ZNF19: variants seen among roughly 807,000 people sequenced by gnomAD.
The protein encoded by ZNF19 is zinc finger protein 19, also known as zinc finger protein 19 (KOX 12).
Under a neutral mutation model 13.1 loss-of-function variants are expected in ZNF19, and 11 were observed. The ratio of observed to expected loss-of-function variants is 0.84; its 90% confidence interval spans 0.53 to 1.39. The LOEUF (loss-of-function observed/expected upper bound fraction) is 1.39, where lower values mean the gene tolerates loss of function less well. Ranked by LOEUF, ZNF19 falls within the 40% of genes most tolerant of loss-of-function variation. ZNF19 has a pLI of 0.00. For missense variants in ZNF19, 560 were observed against 547.0 expected (o/e 1.02, Z -0.24); for synonymous variants, 186 against 187.0 (o/e 0.99, Z 0.04).
chr16:71,488,368 A>AG (rs1304886613), intron 1 of ZNF19, among the ~76,000 whole-genome samples: 7 of 149,656 alleles, frequency 4.7e-5, no homozygotes, highest in African/African-American at 7.5e-5. Context: ...AAAAAAAAAA[A>AG]AAAAAGAAAA....
intron 1 of ZNF19, among the ~76,000 whole-genome samples, chr16:71,486,178 A>G (rs2043676588): frequency 1.0e-5 from 1 of 97,012 alleles, no homozygotes; most frequent in Non-Finnish European, 2.1e-5. Flanking sequence ...CCCTGTCTCT[A>G]CCGAAAAAAA....
intron 4 of ZNF19, chr16:71,478,639 T>C (rs568808831): frequency 9.3e-6 from 6 of 642,764 alleles, no homozygotes; most frequent in Middle Eastern, 8.4e-4. Context: ...TCTTGGAAGA[T>C]GGAACATACT....
chr16:71,486,183 A>G (rs1597017062), intron 1 of ZNF19, among the ~76,000 whole-genome samples: 2 of 27,374 alleles, frequency 7.3e-5, no homozygotes, highest in Admixed American at 5.3e-4. Flanking sequence ...TCTCTACCGA[A>G]AAAAAAAAAA....
At position 71,475,502 on chromosome 16, in the gene ZNF19, T is replaced by C; in HGVS notation, c.1045A>G (p.Arg349Gly). The C allele has an allele frequency of 6.2e-7, 1 of 1,614,228 alleles. No homozygotes were observed. The highest frequency in any genetic ancestry group is 8.5e-7 in the Non-Finnish European group (1 of 1,180,030). ...AAGGGTTTCTCCTCACTGTGAATTC[T>C]CTGGTGCCGAGTTAGTTTTGTATGA... ...NFHTKLTRHQ[R>G]IHSEEKPFDC... The change falls in exon 6 of 6, where the codon AGA (arginine) becomes GGA (glycine). Residue 349 changes from arginine (R) to glycine (G), a missense_variant. Coordinates refer to ENST00000288177, the MANE Select transcript of ZNF19 (RefSeq NM_006961.4).
At chr16:71,481,033 T>C (rs1166201214) in intron 3 of ZNF19, among the ~76,000 whole-genome samples, 3 of 152,134 alleles carry the variant, frequency 2.0e-5, no homozygotes, top group Non-Finnish European at 4.4e-5. Flanking sequence ...AAACTCTAAA[T>C]GTAATCTGAA....
At chr16:71,482,198 C>T in intron 2 of ZNF19, 55 bp from the exon 3 acceptor site, 7 of 1,545,342 alleles carry the variant, frequency 4.5e-6, no homozygotes, top group Non-Finnish European at 6.2e-6. Flanking sequence ...AAAATGCTCT[C>T]TTTAGAGCAA....
intron 5 of ZNF19, among the ~76,000 whole-genome samples, chr16:71,477,217 G>T (rs1597013389): frequency 6.6e-6 from 1 of 152,322 alleles, no homozygotes; most frequent in South Asian, 2.1e-4. Context: ...AGGGAACTCC[G>T]AAGGAGAATG....
chr16:71,482,196 CTCTT>C, intron 2 of ZNF19, 53 bp from the exon 3 acceptor site: 1 of 1,561,724 alleles, frequency 6.4e-7, no homozygotes, highest in Non-Finnish European at 8.8e-7. Flanking sequence ...GTAAAATGCT[CTCTT>C]TAGAGCAATA....
intron 2 of ZNF19, 106 bp from the exon 3 acceptor site, chr16:71,482,249 TC>T: frequency 1.0e-6 from 1 of 980,498 alleles, no homozygotes; most frequent in South Asian, 1.4e-5. Context: ...TACTAAATGC[TC>T]ACTGGGTTAG....
rs1313176861 is a variant in ZNF19, at chr16:71,474,023, A to C, written c.*1147T>G. 1 of 152,390 alleles carries C rather than the reference A, an allele frequency of 6.6e-6. No homozygotes were observed. The highest frequency in any genetic ancestry group is 2.4e-5 in the African/African-American group (1 of 41,596). The allele number at this position is 152,390 out of a possible 1,614,324, so 9.4% of individuals were successfully genotyped here. A position where few individuals can be genotyped will look rare whatever the true frequency, so the allele number is the denominator to read the frequency against. On this transcript the variant is annotated 3_prime_UTR_variant, in exon 6 of 6. Coordinates refer to ENST00000288177, the MANE Select transcript of ZNF19 (RefSeq NM_006961.4). Reference sequence around the variant, plus strand: ...CTGACAAGTAAGGAAGAGGTGGTGAAGCCACCCAGGTGCTAGACGCAGTAA... The same window carrying C: ...CTGACAAGTAAGGAAGAGGTGGTGACGCCACCCAGGTGCTAGACGCAGTAA...
chr16:71,477,244 C>G (rs1489841921), intron 5 of ZNF19, among the ~76,000 whole-genome samples: 4 of 152,114 alleles, frequency 2.6e-5, no homozygotes, highest in African/African-American at 4.8e-5. Flanking sequence ...GGAGAGTAAT[C>G]TGAGATTGAA....
At position 71,475,773 on chromosome 16, in the gene ZNF19, G is replaced by T. The variant is rs778421522; in HGVS notation, c.774C>A (p.Ser258=). The part of the protein sequence containing the change: ...TECGNSFTSS[S]EFVIHQRIHT... The stretch of plus-strand genomic sequence containing the variant: ...GGATTCTCTGATGTATAACAAACTC[G>T]GAACTACTCGTGAAACTATTCCCAC... Residue 258 remains serine, a synonymous_variant, in exon 6 of 6, where the codon TCC becomes TCA. Coordinates refer to ENST00000288177, the MANE Select transcript of ZNF19 (RefSeq NM_006961.4). The T allele has an allele frequency of 1.2e-6, 2 of 1,609,200 alleles. No homozygotes were observed. Among genetic ancestry groups the T allele is most frequent in the African/African-American group, 1.4e-5 (1 of 73,362 alleles).
At chr16:71,485,683 G>C (rs1444527231) in intron 1 of ZNF19, among the ~76,000 whole-genome samples, 4 of 151,762 alleles carry the variant, frequency 2.6e-5, no homozygotes, top group South Asian at 2.1e-4. Flanking sequence ...GCTGGTTTCA[G>C]GCAAGAAGGT....
rs574565928 is a variant in ZNF19, at chr16:71,475,262, C to T, written c.1285G>A (p.Gly429Ser). Residue 429 changes from glycine to serine, a missense_variant, in exon 6 of 6, where the codon GGT (glycine) becomes AGT (serine). By Grantham distance (56) the Gly-to-Ser change is moderately conservative. Transcript: ENST00000288177. ...EKAFGTSSQLGHLEHVYSGEK... is the reference protein window; with the variant it reads ...EKAFGTSSQLSHLEHVYSGEK... ...CCAGAGTAGACATGCTCAAGGTGAC[C>T]TAGCTGGGAAGAAGTCCCAAAGGCC... 7.2e-4 allele frequency: 1,170 copies of T among 1,614,204 alleles called. 13 individuals are homozygous for T. In the South Asian group the frequency reaches 0.012, roughly 17 times the overall value.
rs544308923 is a variant in ZNF19, at chr16:71,474,070, T to C, written c.*1100A>G. 10 of 152,122 alleles carry C rather than the reference T, an allele frequency of 6.6e-5. No homozygotes were observed. The South Asian group carries it at 2.1e-3, about 32-fold the overall frequency. The allele number at this position is 152,122 out of a possible 1,614,324, so 9.4% of individuals were successfully genotyped here. On this transcript the variant is annotated 3_prime_UTR_variant, in exon 6 of 6. Transcript: ENST00000288177. ...GTAAGCAATTAAGTCTGGAATTGGGTAGGGAGATTCCAACACTGGCTGGCA... is the reference window on the plus strand; with the variant it reads ...GTAAGCAATTAAGTCTGGAATTGGGCAGGGAGATTCCAACACTGGCTGGCA...
Position 71,485,466 on chromosome 16 carries a change from CA to C in ZNF19, c.-189-719del, listed in dbSNP as rs1472843302. Among the ~76,000 whole-genome samples, 15 of 136,270 alleles carry C rather than the reference CA, an allele frequency of 1.1e-4. No individual in the cohort carries two copies. The South Asian group carries it at 3.4e-3, about 31-fold the overall frequency. 89.4% of individuals were successfully genotyped at this position (136,270 alleles called of 152,430 possible). ...ACTCCATCTCAAAAAAAAAAAAAACCAAAAAAACAAAAAAAAACAAAAAGAA... is the reference window on the plus strand; with the variant it reads ...ACTCCATCTCAAAAAAAAAAAAAACCAAAAAACAAAAAAAAACAAAAAGAA... On this transcript the variant is annotated intron_variant, in intron 1 of 5. Coordinates refer to ENST00000288177, the MANE Select transcript of ZNF19 (RefSeq NM_006961.4).
At chr16:71,479,182 G>C in intron 3 of ZNF19, 177 bp from the exon 4 acceptor site, 1 of 725,610 alleles carries the variant, frequency 1.4e-6, no homozygotes, top group East Asian at 2.7e-5. Context: ...GAAAAATCTG[G>C]AACTTCTCTC....
chr16:71,480,432 GAT>G (rs977569369), intron 3 of ZNF19, among the ~76,000 whole-genome samples: 16 of 152,214 alleles, frequency 1.1e-4, no homozygotes, highest in African/African-American at 3.6e-4. Flanking sequence ...CCTCTCTGTT[GAT>G]AACACCAATT....
rs527611222 is a variant in ZNF19, at chr16:71,474,599, G to A, written c.*571C>T. 2 of 153,618 alleles carry A rather than the reference G, an allele frequency of 1.3e-5. No individual in the cohort carries two copies. The highest frequency in any genetic ancestry group is 2.9e-5 in the Non-Finnish European group (2 of 69,102). 9.5% of individuals were successfully genotyped at this position (153,618 alleles called of 1,614,324 possible). ...AATCATGGGGTTGAGGAGCTGCCAT[G>A]ACTATAACTAAAGACTTTCCCATAT... On this transcript the variant is annotated 3_prime_UTR_variant, in exon 6 of 6. Coordinates refer to ENST00000288177, the MANE Select transcript of ZNF19 (RefSeq NM_006961.4).
Sources: gnomAD v4.1 joint callset for allele counts (sites outside exome capture counted in the v4.1 genomes callset) on GRCh38, gnomAD v4.1.1 for gene constraint, MANE v1.5 for transcripts, NCBI Gene and HGNC (gene_info 2026-07-23, HGNC 2026-07-21) for gene names.